TENM2: variants seen among roughly 807,000 people sequenced by gnomAD.
The protein encoded by TENM2 is teneurin transmembrane protein 2, also known as teneurin-2.
A neutral mutation model predicts 245.2 loss-of-function variants in TENM2; 52 were observed. That is an observed-to-expected ratio of 0.21 (90% CI 0.17 to 0.27). TENM2 has a LOEUF of 0.27. TENM2 is among the 10% of genes least tolerant of loss of function. TENM2 has a pLI of 1.00. For synonymous variants in TENM2, 1,363 were observed against 1,438.9 expected, an observed-to-expected ratio of 0.95 and a Z score of 1.19; for missense variants, 3,046 against 3,666.8, an observed-to-expected ratio of 0.83 and a Z score of 4.37.
In TENM2 at chr5:167,629,684, C is replaced by T. The variant is rs114253483; in HGVS notation, c.503-246302C>T. ...ACATTCCATACTCACCTTGTAGTGT[C>T]CAGTAAATACATATGTTTGGTTTTC... On this transcript the variant is annotated intron_variant, in intron 2 of 28. Coordinates refer to ENST00000518659, the Ensembl canonical transcript of TENM2. Among the ~76,000 whole-genome samples the T allele has an allele frequency of 2.4e-3, 370 of 152,220 alleles. 2 individuals carry two copies. Among genetic ancestry groups the T allele is most frequent in the African/African-American group, 8.6e-3 (359 of 41,520 alleles).
At chr5:168,008,915 C>A (rs1489553925) in intron 5 of TENM2, among the ~76,000 whole-genome samples, 5 of 152,144 alleles carry the variant, frequency 3.3e-5, no homozygotes, top group Non-Finnish European at 7.4e-5. Flanking sequence ...TGCACGGTTT[C>A]TTTATTATGA....
chr5:167,487,401 A>C (rs1449965799), intron 2 of TENM2, among the ~76,000 whole-genome samples: 3 of 151,980 alleles, frequency 2.0e-5, no homozygotes, highest in Non-Finnish European at 4.4e-5. Flanking sequence ...GCATTTGTTT[A>C]CATGTATTTG....
At chr5:167,472,358 T>C (rs1767081678) in intron 2 of TENM2, among the ~76,000 whole-genome samples, 6 of 152,242 alleles carry the variant, frequency 3.9e-5, no homozygotes, top group Admixed American at 3.9e-4. Context: ...AATACTCTTC[T>C]TAAGCCTCCT....
intron 1 of TENM2, among the ~76,000 whole-genome samples, chr5:167,288,876 T>A (rs186459300): frequency 2.0e-5 from 3 of 152,316 alleles, no homozygotes; most frequent in Non-Finnish European, 4.4e-5. Flanking sequence ...AACAAAAATA[T>A]CTTTAAATCC....
At chr5:167,615,019 T>C (rs1777704198) in intron 2 of TENM2, among the ~76,000 whole-genome samples, 1 of 152,158 alleles carries the variant, frequency 6.6e-6, no homozygotes, top group African/African-American at 2.4e-5. Context: ...TCATATAAGT[T>C]ATGTTTATGT....
At chr5:167,356,813 T>C (rs571271065) in intron 1 of TENM2, among the ~76,000 whole-genome samples, 1 of 152,342 alleles carries the variant, frequency 6.6e-6, no homozygotes, top group African/African-American at 2.4e-5. Context: ...GCCTTAGGCA[T>C]GTTTGTCTTC....
At position 167,647,883 on chromosome 5, in the gene TENM2, A is replaced by G. The variant is rs78429359; in HGVS notation, c.503-228103A>G. 8.0e-3 allele frequency among the ~76,000 whole-genome samples: 1,210 copies of G among 152,182 alleles called. 24 individuals are homozygous for G. The highest frequency in any genetic ancestry group is 0.028 in the African/African-American group (1,149 of 41,530). On this transcript the variant is annotated intron_variant, in intron 2 of 28. Transcript: ENST00000518659. ...CTTGTCTTGACTTTCCCTCTCACTT[A>G]TCTCCTACGTTCAATCTTTCGGTAC...
exon 4 of TENM2, chr5:167,952,739 G>A (rs768698642): frequency 1.9e-6 from 3 of 1,594,526 alleles, no homozygotes; most frequent in Admixed American, 1.8e-5. Context: ...CGGCCCCAGC[G>A]CCCAATGACC....
intron 5 of TENM2, among the ~76,000 whole-genome samples, chr5:168,012,889 G>T (rs1280690613): frequency 6.6e-6 from 1 of 151,374 alleles, no homozygotes; most frequent in African/African-American, 2.4e-5. Context: ...CTGCTGCTCA[G>T]TGATGCCATC....
intron 6 of TENM2, among the ~76,000 whole-genome samples, chr5:168,060,434 A>G (rs1789940918): frequency 6.6e-6 from 1 of 151,988 alleles, no homozygotes; most frequent in African/African-American, 2.4e-5. Context: ...ACAAAACAAA[A>G]CAAAAGTTCA....
intron 2 of TENM2, among the ~76,000 whole-genome samples, chr5:167,459,911 AACACAC>A (rs57053799): frequency 3.3e-4 from 50 of 149,682 alleles, no homozygotes; most frequent in East Asian, 2.2e-3. Flanking sequence ...TATAAAGATA[AACACAC>A]ACACACACAC....
chr5:167,308,145 C>T (rs1201721110), intron 1 of TENM2: 1 of 152,344 alleles, frequency 6.6e-6, no homozygotes, highest in Non-Finnish European at 1.5e-5. Context: ...CCTCCTTCCT[C>T]ACTCATTCCT....
At chr5:167,181,680 T>C in the TENM2 span, among the ~76,000 whole-genome samples, 1 of 152,170 alleles carries the variant, frequency 6.6e-6, no homozygotes, top group Non-Finnish European at 1.5e-5. Context: ...AATATACTAA[T>C]GAAAATATTA....
At chr5:167,792,543 G>A (rs1243688746) in intron 2 of TENM2, among the ~76,000 whole-genome samples, 1 of 151,904 alleles carries the variant, frequency 6.6e-6, no homozygotes, top group Non-Finnish European at 1.5e-5. Context: ...TGAAGACAAC[G>A]TGTTCTGTCC....
intron 2 of TENM2, among the ~76,000 whole-genome samples, chr5:167,697,818 C>T (rs1757868785): frequency 6.6e-6 from 1 of 152,194 alleles, no homozygotes. Flanking sequence ...AGCCACTGCA[C>T]CCAGCCAAGA....
intron 12 of TENM2, among the ~76,000 whole-genome samples, chr5:168,144,896 A>G (rs920955553): frequency 8.0e-5 from 12 of 150,366 alleles, no homozygotes; most frequent in African/African-American, 2.4e-4. Flanking sequence ...ATGGTATCTC[A>G]TTGTGGTTTT....
At chr5:168,183,124 C>T (rs1400572125) in intron 13 of TENM2, among the ~76,000 whole-genome samples, 1 of 152,174 alleles carries the variant, frequency 6.6e-6, no homozygotes, top group Admixed American at 6.5e-5. Flanking sequence ...GCCACCGCCC[C>T]CGGCCCAGGG....
chr5:168,114,824 G>A (rs1794933555), intron 9 of TENM2, among the ~76,000 whole-genome samples: 2 of 152,168 alleles, frequency 1.3e-5, no homozygotes, highest in Non-Finnish European at 2.9e-5. Context: ...TTTGGAAGGT[G>A]GAGAACTCTG....
the TENM2 span, among the ~76,000 whole-genome samples, chr5:167,028,390 A>G: frequency 2.0e-5 from 3 of 152,134 alleles, no homozygotes; most frequent in South Asian, 6.2e-4. Context: ...ATACATATAC[A>G]TTATATATTT....
Sources: gnomAD v4.1 joint callset for allele counts (sites outside exome capture counted in the v4.1 genomes callset) on GRCh38, gnomAD v4.1.1 for gene constraint, MANE v1.5 for transcripts, NCBI Gene and HGNC (gene_info 2026-07-23, HGNC 2026-07-21) for gene names.